TSGA10: variants seen among roughly 807,000 people sequenced by gnomAD.
TSGA10 encodes the protein testis specific 10.
TSGA10 carries 43 observed loss-of-function variants against 96.6 expected under a neutral mutation model. The observed-to-expected ratio is 0.44, with a 90% CI of 0.35 to 0.57. The LOEUF (loss-of-function observed/expected upper bound fraction) is 0.57. TSGA10 is among the 20% of genes least tolerant of loss of function. The pLI is 0.01. For missense variants in TSGA10, 703 were observed against 834.4 expected, an observed-to-expected ratio of 0.84 and a Z score of 1.94; for synonymous variants, 229 against 269.9, an observed-to-expected ratio of 0.85 and a Z score of 1.48.
At chr2:99,118,493 A>G (rs1307907779) in intron 3 of TSGA10, 58 bp downstream of exon 3, 1 of 596,714 alleles carries the variant, frequency 1.7e-6, no homozygotes, top group Non-Finnish European at 2.1e-6. Context: ...ATATATACGT[A>G]TATATATGTG....
At chr2:99,141,147 A>C in intron 1 of TSGA10, 1 of 1,270,234 alleles carries the variant, frequency 7.9e-7, no homozygotes, top group Non-Finnish European at 1.0e-6. Context: ...CATCCCCGCG[A>C]CTGTCAGCTC....
intron 17 of TSGA10, among the ~76,000 whole-genome samples, chr2:99,028,595 T>C (rs1313398775): frequency 6.6e-6 from 1 of 152,052 alleles, no homozygotes; most frequent in Non-Finnish European, 1.5e-5. Context: ...GCACCCCTTG[T>C]CCAACGTCTC....
intron 1 of TSGA10, among the ~76,000 whole-genome samples, chr2:99,140,893 C>T (rs2093511840): frequency 6.6e-6 from 1 of 152,116 alleles, no homozygotes; most frequent in Non-Finnish European, 1.5e-5. Context: ...AGGGGCAACT[C>T]GTGCTGCCGA....
intron 16 of TSGA10, among the ~76,000 whole-genome samples, chr2:99,053,973 T>G (rs2083697424): frequency 6.6e-6 from 1 of 152,168 alleles, no homozygotes; most frequent in Non-Finnish European, 1.5e-5. Flanking sequence ...ATCTACAGAT[T>G]CAGTGTAATC....
At position 99,109,440 on chromosome 2, in the gene TSGA10, C is replaced by A; in HGVS notation, c.-1G>T. On this transcript the variant is annotated 5_prime_UTR_variant, in exon 6 of 21. Coordinates refer to ENST00000393483, the MANE Select transcript of TSGA10 (RefSeq NM_025244.4). ...GACTTTTAGACCTACTTCGCATCAT[C>A]TTTCTCAAATGTTGAGCTTCACTCT... 1 of 1,613,950 alleles carries A rather than the reference C, an allele frequency of 6.2e-7. No individual in the cohort carries two copies. Among genetic ancestry groups the A allele is most frequent in the Non-Finnish European group, 8.5e-7 (1 of 1,179,862 alleles).
intron 16 of TSGA10, among the ~76,000 whole-genome samples, chr2:99,035,693 A>T (rs1052998774): frequency 6.6e-6 from 1 of 151,930 alleles, no homozygotes; most frequent in Non-Finnish European, 1.5e-5. Context: ...TTAGGAAAAA[A>T]AAACCTTTCC....
rs529301143 is a variant in TSGA10, at chr2:99,136,524, G to A, written c.-620-9348C>T. 7.0e-4 allele frequency among the ~76,000 whole-genome samples: 19 copies of A among 27,248 alleles called. 3 individuals are homozygous for A. Among genetic ancestry groups the A allele is most frequent in the African/African-American group, 1.4e-3 (19 of 13,222 alleles). The allele number at this position is 27,248 out of a possible 152,430, so 17.9% of individuals were successfully genotyped here. On this transcript the variant is annotated intron_variant, in intron 1 of 20. Coordinates refer to ENST00000393483, the MANE Select transcript of TSGA10 (RefSeq NM_025244.4). ...TACAAAAAAAGTATTTCTGCCGGGC[G>A]CGGTGGCTCACGCCTGTAATCCCAG... is the stretch of plus-strand genomic sequence containing the variant.
chr2:99,007,309 AGT>A (rs1400660342), intron 20 of TSGA10, among the ~76,000 whole-genome samples: 2 of 152,208 alleles, frequency 1.3e-5, no homozygotes, highest in Non-Finnish European at 2.9e-5. Context: ...AATAAAAAAG[AGT>A]GTAAATTTCT....
rs147465111 is a variant in TSGA10, at chr2:99,094,944, G to A, written c.611+9023C>T. Among the ~76,000 whole-genome samples the A allele has an allele frequency of 5.8e-3, 888 of 152,186 alleles. 10 individuals carry two copies. Among genetic ancestry groups the A allele is most frequent in the African/African-American group, 0.02 (851 of 41,538 alleles). On this transcript the variant is annotated intron_variant, in intron 10 of 20. Transcript: ENST00000393483. ...AAGTCATTATACAAAAAAGATACTTGTACACACGTTTATAGCAGCACAATT... is the reference window on the plus strand; with the variant it reads ...AAGTCATTATACAAAAAAGATACTTATACACACGTTTATAGCAGCACAATT...
intron 4 of TSGA10, among the ~76,000 whole-genome samples, chr2:99,113,851 T>C (rs931221592): frequency 3.3e-5 from 5 of 152,218 alleles, no homozygotes; most frequent in Middle Eastern, 6.8e-3. Context: ...CTGGCCATCA[T>C]CTTGATAACA....
intron 10 of TSGA10, among the ~76,000 whole-genome samples, chr2:99,097,025 G>A (rs1408318578): frequency 2.0e-5 from 3 of 152,106 alleles, no homozygotes; most frequent in Non-Finnish European, 4.4e-5. Context: ...CCAGATACAG[G>A]CAAAATTTAC....
chr2:99,117,849 T>C, intron 3 of TSGA10, 90 bp from the exon 4 acceptor site: 2 of 603,026 alleles, frequency 3.3e-6, no homozygotes, highest in Non-Finnish European at 4.2e-6. Flanking sequence ...GAAGGGAGAT[T>C]TGCTTCCCTG....
intron 20 of TSGA10, among the ~76,000 whole-genome samples, chr2:99,012,178 T>C (rs2079060268): frequency 6.6e-6 from 1 of 152,106 alleles, no homozygotes; most frequent in Admixed American, 6.5e-5. Flanking sequence ...GAGTTCTAAA[T>C]CTTGAAACAA....
At chr2:98,998,313 CA>C in intron 20 of TSGA10, 92 bp from the exon 21 acceptor site, 1 of 1,037,180 alleles carries the variant, frequency 9.6e-7, no homozygotes, top group Non-Finnish European at 1.4e-6. Context: ...ATCACTTCAG[CA>C]AAACGTAAGA....
At chr2:99,091,709 G>A (rs936502865) in intron 10 of TSGA10, among the ~76,000 whole-genome samples, 2 of 151,842 alleles carry the variant, frequency 1.3e-5, no homozygotes, top group Admixed American at 1.3e-4. Context: ...AGACAAAGAG[G>A]GACATTATAT....
chr2:99,020,372 T>C lies in TSGA10; in HGVS notation c.1725A>G (p.Arg575=), dbSNP rs752577972. 29 of 1,613,846 alleles carry C rather than the reference T, an allele frequency of 1.8e-5. No individual in the cohort carries two copies. Among genetic ancestry groups the C allele is most frequent in the African/African-American group, 2.7e-5 (2 of 74,916 alleles). ...CTATCTGAGACTGATATTCTTTGTC[T>C]CGATTGGCCACCAGCAAAGCTTCTA... ...QNLEALLVAN[R]DKEYQSQIAL... Residue 575 remains arginine, a synonymous_variant, in exon 18 of 21, where the codon CGA becomes CGG. Coordinates refer to ENST00000393483, the MANE Select transcript of TSGA10 (RefSeq NM_025244.4).
chr2:99,014,413 A>G lies in TSGA10; in HGVS notation c.2072+3787T>C, dbSNP rs1316445232. Among the ~76,000 whole-genome samples the G allele has an allele frequency of 5.3e-5, 8 of 152,282 alleles. No homozygotes were observed. The East Asian group carries it at 1.2e-3, about 22-fold the overall frequency. On this transcript the variant is annotated intron_variant, in intron 20 of 20. Transcript: ENST00000393483. ...TCTTTGGGTCAACAATGAAATCAAG[A>G]TGGAAATTAAAAACTTCTTTGAACT...
At chr2:99,124,820 C>T (rs1313349032) in intron 2 of TSGA10, 1 of 152,094 alleles carries the variant, frequency 6.6e-6, no homozygotes, top group African/African-American at 2.4e-5. Context: ...CTCCTGACCT[C>T]ATGATCCGCC....
intron 1 of TSGA10, among the ~76,000 whole-genome samples, chr2:99,134,444 C>T (rs1285284325): frequency 6.6e-6 from 1 of 152,054 alleles, no homozygotes; most frequent in South Asian, 2.1e-4. Flanking sequence ...CATTTATGTT[C>T]TTCTCTAAAC....
Sources: gnomAD v4.1 joint callset for allele counts (sites outside exome capture counted in the v4.1 genomes callset) on GRCh38, gnomAD v4.1.1 for gene constraint, MANE v1.5 for transcripts, NCBI Gene and HGNC (gene_info 2026-07-23, HGNC 2026-07-21) for gene names.